The following ASIC2 variants were observed in gnomAD, a reference collection of about 807,000 sequenced individuals.
ASIC2 encodes the protein acid-sensing ion channel 2.
In ASIC2, 25 loss-of-function variants were observed where a neutral mutation model predicts 57.3. The observed-to-expected ratio is 0.44, with a 90% CI of 0.32 to 0.61. The LOEUF (loss-of-function observed/expected upper bound fraction) is 0.61, where lower values mean the gene tolerates loss of function less well. ASIC2 is among the 20% of genes least tolerant of loss of function. ASIC2 has a pLI of 0.06. For missense variants in ASIC2, 641 were observed against 738.1 expected (o/e 0.87, Z 1.52); for synonymous variants, 319 against 307.5 (o/e 1.04, Z -0.39).
intron 1 of ASIC2, among the ~76,000 whole-genome samples, chr17:34,110,071 C>T (rs1374578372): frequency 6.6e-6 from 1 of 152,062 alleles, no homozygotes; most frequent in Non-Finnish European, 1.5e-5. Context: ...ATAAATAGAA[C>T]ATCCAAGACA....
chr17:33,019,493 AG>A (rs1453569200), intron 7 of ASIC2, among the ~76,000 whole-genome samples: 2 of 151,802 alleles, frequency 1.3e-5, no homozygotes, highest in Non-Finnish European at 2.9e-5. Flanking sequence ...ATGAACCTGT[AG>A]GTTTGGTGCA....
At chr17:33,335,216 T>G (rs1907467133) in intron 1 of ASIC2, among the ~76,000 whole-genome samples, 1 of 152,168 alleles carries the variant, frequency 6.6e-6, no homozygotes, top group African/African-American at 2.4e-5. Context: ...TCCCCAGAAA[T>G]GATATGCTCC....
intron 1 of ASIC2, among the ~76,000 whole-genome samples, chr17:33,466,581 C>T (rs1002349131): frequency 2.0e-5 from 3 of 152,182 alleles, no homozygotes; most frequent in Non-Finnish European, 2.9e-5. Flanking sequence ...CATCACACTA[C>T]CTGACTTGAA....
At chr17:33,508,521 C>T (rs537421767) in intron 1 of ASIC2, among the ~76,000 whole-genome samples, 4 of 152,150 alleles carry the variant, frequency 2.6e-5, no homozygotes, top group Admixed American at 6.5e-5. Context: ...GGGGCCAGTC[C>T]AAGTTGGACC....
intron 1 of ASIC2, among the ~76,000 whole-genome samples, chr17:33,200,642 A>G (rs1290602345): frequency 6.6e-6 from 1 of 152,198 alleles, no homozygotes; most frequent in Non-Finnish European, 1.5e-5. Flanking sequence ...CTCAAAACAG[A>G]TTCAGAATAT....
chr17:34,000,883 G>A (rs574717353), intron 1 of ASIC2: 264 of 152,094 alleles, frequency 1.7e-3, no homozygotes, highest in African/African-American at 5.6e-3. Context: ...TTTTAGTTTA[G>A]TTACTGTGTT....
intron 1 of ASIC2, among the ~76,000 whole-genome samples, chr17:33,709,598 G>A (rs991713308): frequency 6.6e-6 from 1 of 152,178 alleles, no homozygotes; most frequent in Non-Finnish European, 1.5e-5. Context: ...TGTGTAGAAG[G>A]TACCAATCTA....
At chr17:33,143,985 G>A (rs753449694) in intron 1 of ASIC2, among the ~76,000 whole-genome samples, 2 of 152,054 alleles carry the variant, frequency 1.3e-5, no homozygotes, top group African/African-American at 4.8e-5. Flanking sequence ...CCCACTTGAT[G>A]CCCAACCCTT....
chr17:33,122,829 C>A (rs934905015), intron 1 of ASIC2, among the ~76,000 whole-genome samples: 30 of 152,292 alleles, frequency 2.0e-4, no homozygotes, highest in African/African-American at 7.2e-4. Context: ...CTGTCCATCC[C>A]CCTGCACTGC....
At chr17:33,502,022 TGCCAG>T (rs1914114525) in intron 1 of ASIC2, among the ~76,000 whole-genome samples, 1 of 151,820 alleles carries the variant, frequency 6.6e-6, no homozygotes, top group Admixed American at 6.6e-5. Context: ...CGCATAAGAG[TGCCAG>T]GCCAGAGGAG....
At chr17:33,869,048 G>C (rs1476753982) in intron 1 of ASIC2, among the ~76,000 whole-genome samples, 2 of 152,152 alleles carry the variant, frequency 1.3e-5, no homozygotes, top group Admixed American at 1.3e-4. Context: ...CTGGGCAACA[G>C]AGTGAGACTC....
chr17:33,068,483 G>C (rs1313030593), intron 3 of ASIC2, among the ~76,000 whole-genome samples: 1 of 152,146 alleles, frequency 6.6e-6, no homozygotes, highest in Non-Finnish European at 1.5e-5. Context: ...CAGTAAGAAA[G>C]CTGAGACTGT....
At chr17:33,902,779 G>A (rs9893493) in intron 1 of ASIC2, among the ~76,000 whole-genome samples, 29,873 of 152,136 alleles carry the variant, frequency 0.2, 3,567 homozygotes, top group African/African-American at 0.33. Flanking sequence ...CCTAATTCTC[G>A]AAGACCCAAT....
intron 1 of ASIC2, among the ~76,000 whole-genome samples, chr17:33,358,558 A>T (rs1160496597): frequency 1.3e-5 from 2 of 149,062 alleles, no homozygotes; most frequent in African/African-American, 5.2e-5. Context: ...AGGGAACATG[A>T]TGAGTGCACA....
At chr17:34,118,997 G>A (rs543798357) in intron 1 of ASIC2, 42 of 152,252 alleles carry the variant, frequency 2.8e-4, no homozygotes, top group African/African-American at 9.6e-4. Flanking sequence ...TCTCCATTTT[G>A]GAGGCCAGGA....
intron 1 of ASIC2, among the ~76,000 whole-genome samples, chr17:33,417,529 T>C (rs1313003185): frequency 1.3e-5 from 2 of 152,202 alleles, no homozygotes; most frequent in Non-Finnish European, 2.9e-5. Flanking sequence ...TTGTCCTCTT[T>C]GAGGCTTCTT....
At chr17:33,189,524 T>G (rs892204629) in intron 1 of ASIC2, among the ~76,000 whole-genome samples, 4 of 152,120 alleles carry the variant, frequency 2.6e-5, no homozygotes, top group African/African-American at 9.7e-5. Flanking sequence ...GGGCAGAGAC[T>G]GTTAGATTGT....
At chr17:33,478,383 C>T (rs184991500) in intron 1 of ASIC2, among the ~76,000 whole-genome samples, 18 of 152,326 alleles carry the variant, frequency 1.2e-4, no homozygotes, top group African/African-American at 3.8e-4. Flanking sequence ...CACGAACTAC[C>T]GTTCTTGGTC....
chr17:33,306,440 C>T (rs62069381), intron 1 of ASIC2, among the ~76,000 whole-genome samples: 337 of 152,190 alleles, frequency 2.2e-3, no homozygotes, highest in Non-Finnish European at 2.3e-3. Context: ...ACAATGTATC[C>T]TTTTAAATTT....
Sources: allele counts gnomAD v4.1 joint callset (sites outside exome capture counted in the v4.1 genomes callset), GRCh38; gene constraint gnomAD v4.1.1; transcripts MANE v1.5; gene names NCBI Gene and HGNC (gene_info 2026-07-23, HGNC 2026-07-21).